DACH1: variants seen among roughly 807,000 people sequenced by gnomAD.
DACH1 encodes the protein dachshund homolog 1.
Under a neutral mutation model 54.2 loss-of-function variants are expected in DACH1, and 12 were observed. The ratio of observed to expected loss-of-function variants is 0.22; its 90% confidence interval spans 0.14 to 0.36. The LOEUF (loss-of-function observed/expected upper bound fraction) is 0.36, where lower values mean the gene tolerates loss of function less well. DACH1 is among the 10% of genes least tolerant of loss of function. The pLI is 1.00. For missense variants in DACH1, 805 were observed against 929.8 expected, an observed-to-expected ratio of 0.87 and a Z score of 1.75; for synonymous variants, 386 against 366.2, an observed-to-expected ratio of 1.05 and a Z score of -0.62.
At chr13:71,506,364 C>A (rs1213983792) in intron 6 of DACH1, among the ~76,000 whole-genome samples, 4 of 145,976 alleles carry the variant, frequency 2.7e-5, no homozygotes, top group Non-Finnish European at 6.0e-5. Flanking sequence ...TCAATTCCCA[C>A]CTATGAGTGA....
chr13:71,634,089 C>T (rs139432239), intron 2 of DACH1, among the ~76,000 whole-genome samples: 2,087 of 151,852 alleles, frequency 0.014, 44 homozygotes, highest in Non-Finnish European at 0.017. Flanking sequence ...TCTTCTGTCT[C>T]AGCCTCCCGA....
chr13:71,652,179 A>G (rs564430337), intron 2 of DACH1, among the ~76,000 whole-genome samples: 1 of 152,346 alleles, frequency 6.6e-6, no homozygotes, highest in Admixed American at 6.5e-5. Context: ...CACGAATGGA[A>G]CAGTGAGGCT....
chr13:71,466,521 C>A (rs1876580863), intron 10 of DACH1, among the ~76,000 whole-genome samples: 3 of 152,092 alleles, frequency 2.0e-5, no homozygotes. Context: ...ATAGTGCCAA[C>A]CCCCTATTAC....
chr13:71,449,330 GA>G (rs542370593), intron 10 of DACH1, among the ~76,000 whole-genome samples: 10 of 149,280 alleles, frequency 6.7e-5, no homozygotes, highest in Non-Finnish European at 1.0e-4. Flanking sequence ...TCTCAAAAAA[GA>G]AAAAAAAAGA....
intron 6 of DACH1, among the ~76,000 whole-genome samples, chr13:71,522,387 A>T (rs533265323): frequency 1.4e-4 from 21 of 151,998 alleles, no homozygotes; most frequent in Non-Finnish European, 2.2e-4. Flanking sequence ...AGCCCTTCCT[A>T]CCACCACGCC....
At chr13:71,848,369 T>C (rs1169989066) in intron 1 of DACH1, among the ~76,000 whole-genome samples, 2 of 152,224 alleles carry the variant, frequency 1.3e-5, no homozygotes, top group African/African-American at 4.8e-5. Context: ...GACTTTGTAA[T>C]TTTTCAGAAT....
At chr13:71,475,421 C>T (rs556658704) in intron 9 of DACH1, among the ~76,000 whole-genome samples, 6 of 152,152 alleles carry the variant, frequency 3.9e-5, no homozygotes, top group Admixed American at 6.5e-5. Flanking sequence ...GGATGGGGTT[C>T]GGAAATTCTC....
In DACH1 at chr13:71,477,139, G is replaced by A. The variant is rs1446877844; in HGVS notation, c.1871-1290C>T. 6.9e-5 allele frequency among the ~76,000 whole-genome samples: 7 copies of A among 101,816 alleles called. No homozygotes were observed. The Admixed American group carries it at 1.0e-3, about 15-fold the overall frequency. 66.8% of individuals were successfully genotyped at this position (101,816 alleles called of 152,430 possible). On this transcript the variant is annotated intron_variant, in intron 8 of 10. Coordinates refer to ENST00000613252, the MANE Select transcript of DACH1 (RefSeq NM_080759.6). ...TTTTTTTTTTTTTTTTTTTTGAGAC[G>A]GAGTCTCGCTCTGTTGCCCAGCCCA...
intron 3 of DACH1, among the ~76,000 whole-genome samples, chr13:71,599,760 T>C (rs1874360107): frequency 6.6e-6 from 1 of 151,720 alleles, no homozygotes; most frequent in South Asian, 2.1e-4. Context: ...CTAATGTTAA[T>C]TTTTTTTACA....
At chr13:71,751,816 G>A (rs1884941796) in intron 1 of DACH1, among the ~76,000 whole-genome samples, 1 of 152,070 alleles carries the variant, frequency 6.6e-6, no homozygotes, top group Admixed American at 6.6e-5. Flanking sequence ...AGCCAAATAT[G>A]TCACTGAAAT....
intron 1 of DACH1, among the ~76,000 whole-genome samples, chr13:71,863,178 T>C (rs1593662157): frequency 6.6e-6 from 1 of 152,042 alleles, no homozygotes; most frequent in African/African-American, 2.4e-5. Context: ...AGGTAAGAAA[T>C]AAGACAATAA....
At chr13:71,656,881 C>A (rs1188501919) in intron 2 of DACH1, among the ~76,000 whole-genome samples, 1 of 139,208 alleles carries the variant, frequency 7.2e-6, no homozygotes, top group Non-Finnish European at 1.6e-5. Context: ...CTTGAAAACT[C>A]ATCTCCTTTA....
intron 1 of DACH1, among the ~76,000 whole-genome samples, chr13:71,780,118 T>C (rs1056372975): frequency 2.2e-4 from 34 of 151,964 alleles, no homozygotes; most frequent in Admixed American, 2.1e-3. Context: ...CAGGTAAAGA[T>C]CAATAGAGAT....
intron 1 of DACH1, among the ~76,000 whole-genome samples, chr13:71,701,615 G>A (rs889424842): frequency 1.3e-5 from 2 of 152,052 alleles, no homozygotes; most frequent in Non-Finnish European, 2.9e-5. Flanking sequence ...AAGTAACTAG[G>A]GTTTGGAGAT....
chr13:71,781,379 TTTATTTATTTA>T (rs1310137503), intron 1 of DACH1, among the ~76,000 whole-genome samples: 12 of 149,634 alleles, frequency 8.0e-5, no homozygotes, highest in African/African-American at 2.9e-4. Flanking sequence ...TATTTATTTA[TTTATTTATTTA>T]TTTTTTGAGA....
chr13:71,802,482 A>G (rs951967965), intron 1 of DACH1, among the ~76,000 whole-genome samples: 1 of 152,224 alleles, frequency 6.6e-6, no homozygotes, highest in Middle Eastern at 3.4e-3. Flanking sequence ...AAGACAAAGA[A>G]TTAGAAAAAT....
intron 2 of DACH1, among the ~76,000 whole-genome samples, chr13:71,636,549 AAATAATAAT>A (rs368128838): frequency 8.2e-4 from 120 of 146,910 alleles, no homozygotes; most frequent in South Asian, 6.8e-3. Context: ...CACAAAGTAA[AAATAATAAT>A]AATAATAATA....
At chr13:71,517,504 C>G (rs1456598677) in intron 6 of DACH1, among the ~76,000 whole-genome samples, 1 of 151,860 alleles carries the variant, frequency 6.6e-6, no homozygotes, top group African/African-American at 2.4e-5. Flanking sequence ...TGTAAAACTT[C>G]TAGATTTTTC....
intron 3 of DACH1, among the ~76,000 whole-genome samples, chr13:71,623,315 T>A (rs1876383609): frequency 1.3e-5 from 2 of 151,642 alleles, no homozygotes; most frequent in Admixed American, 1.3e-4. Flanking sequence ...AAATGATCAG[T>A]TATTAATATA....
Sources: gnomAD v4.1 joint callset for allele counts (sites outside exome capture counted in the v4.1 genomes callset) on GRCh38, gnomAD v4.1.1 for gene constraint, MANE v1.5 for transcripts, NCBI Gene and HGNC (gene_info 2026-07-23, HGNC 2026-07-21) for gene names.